FRAS1: variants seen among roughly 807,000 people sequenced by gnomAD.
FRAS1 encodes Fraser extracellular matrix complex subunit 1.
A neutral mutation model predicts 435.2 loss-of-function variants in FRAS1; 290 were observed. The observed-to-expected ratio is 0.67, with a 90% CI of 0.61 to 0.73. The LOEUF (loss-of-function observed/expected upper bound fraction) is 0.73. FRAS1 is among the 30% of genes least tolerant of loss of function. The pLI is 0.00. For missense variants in FRAS1, 4,860 were observed against 5,001.5 expected (o/e 0.97, Z 0.85); for synonymous variants, 1,800 against 1,851.0 (o/e 0.97, Z 0.71).
At chr4:78,079,653 C>T (rs1740808655) in intron 2 of FRAS1, among the ~76,000 whole-genome samples, 1 of 152,076 alleles carries the variant, frequency 6.6e-6, no homozygotes, top group Non-Finnish European at 1.5e-5. Context: ...GGTTGGCAGC[C>T]TCCTTGTGAT....
rs1560729880 is a variant in FRAS1, at chr4:78,441,199, A to G, written c.5567A>G (p.His1856Arg). The change falls in exon 41 of 74, where the codon CAT (histidine) becomes CGT (arginine). Residue 1856 changes from histidine to arginine, a missense_variant. Transcript: ENST00000512123. ...GGGAGAGCACCACTCTCATTTCACCATTTTTTTGCTACTGATGATGATGAC... is the reference window on the plus strand; with the variant it reads ...GGGAGAGCACCACTCTCATTTCACCGTTTTTTTGCTACTGATGATGATGAC... ...EGGRAPLSFHHFFATDDDDNL... is the reference protein window; with the variant it reads ...EGGRAPLSFHRFFATDDDDNL... 1 of 1,613,716 alleles carries G rather than the reference A, an allele frequency of 6.2e-7. No homozygotes were observed. Among genetic ancestry groups the G allele is most frequent in the East Asian group, 2.2e-5 (1 of 44,858 alleles).
At chr4:78,092,107 C>T (rs1474695770) in intron 2 of FRAS1, among the ~76,000 whole-genome samples, 1 of 151,858 alleles carries the variant, frequency 6.6e-6, no homozygotes, top group Non-Finnish European at 1.5e-5. Context: ...TTCATATTCC[C>T]TCAGTGTTTT....
At chr4:78,171,451 T>A (rs963227674) in intron 2 of FRAS1, among the ~76,000 whole-genome samples, 1 of 152,168 alleles carries the variant, frequency 6.6e-6, no homozygotes, top group Admixed American at 6.5e-5. Context: ...TACATAAATA[T>A]CATATACTAT....
chr4:78,428,980 ATATT>A, intron 35 of FRAS1, 111 bp from the exon 36 acceptor site: 1 of 1,065,552 alleles, frequency 9.4e-7, no homozygotes, highest in Non-Finnish European at 1.3e-6. Flanking sequence ...TTCTAGCTAC[ATATT>A]TGTGGAAACT....
intron 2 of FRAS1, among the ~76,000 whole-genome samples, chr4:78,163,981 C>G (rs1560558314): frequency 6.6e-6 from 1 of 152,154 alleles, no homozygotes; most frequent in Admixed American, 6.5e-5. Context: ...ACTGCCCCAC[C>G]CACTGGCCCT....
chr4:78,446,369 C>A, intron 42 of FRAS1: 1 of 1,071,372 alleles, frequency 9.3e-7, no homozygotes, highest in Non-Finnish European at 1.1e-6. Context: ...TTAGCATTTT[C>A]TAAGAGAGTT....
chr4:78,419,498 T>C (rs1281969858), intron 33 of FRAS1, among the ~76,000 whole-genome samples: 5 of 152,140 alleles, frequency 3.3e-5, no homozygotes, highest in South Asian at 2.1e-4. Flanking sequence ...GCCACACATA[T>C]TCAGTTCCTT....
At chr4:78,093,560 G>T (rs538646952) in intron 2 of FRAS1, among the ~76,000 whole-genome samples, 26 of 152,212 alleles carry the variant, frequency 1.7e-4, no homozygotes, top group African/African-American at 6.0e-4. Context: ...TTTATCTGAA[G>T]AAAAATAACA....
chr4:78,147,146 C>T (rs561774637), intron 2 of FRAS1, among the ~76,000 whole-genome samples: 2 of 152,216 alleles, frequency 1.3e-5, no homozygotes, highest in East Asian at 3.9e-4. Flanking sequence ...TTCCCAGAGT[C>T]TGGAATCTTT....
intron 14 of FRAS1, among the ~76,000 whole-genome samples, chr4:78,306,506 G>T (rs1312915155): frequency 1.3e-5 from 1 of 74,298 alleles, no homozygotes; most frequent in African/African-American, 6.1e-5. Context: ...ACACCAATCA[G>T]ACGTAGATTT....
At chr4:78,481,564 C>T (rs1048642961) in intron 56 of FRAS1, among the ~76,000 whole-genome samples, 1 of 152,190 alleles carries the variant, frequency 6.6e-6, no homozygotes, top group African/African-American at 2.4e-5. Flanking sequence ...TCTCCAGCAC[C>T]ATCTCCATGA....
chr4:78,345,948 G>C (rs925531285), intron 20 of FRAS1, among the ~76,000 whole-genome samples: 44 of 152,040 alleles, frequency 2.9e-4, no homozygotes, highest in Admixed American at 8.5e-4. Context: ...AATGAGAGAA[G>C]GACCTTACTT....
intron 49 of FRAS1, among the ~76,000 whole-genome samples, chr4:78,464,963 C>G (rs1180684106): frequency 6.6e-6 from 1 of 152,198 alleles, no homozygotes; most frequent in East Asian, 1.9e-4. Context: ...TTCTCCCTTT[C>G]ACCTCCTTCA....
intron 1 of FRAS1, among the ~76,000 whole-genome samples, chr4:78,062,475 A>G (rs1291752462): frequency 6.6e-6 from 1 of 152,270 alleles, no homozygotes; most frequent in South Asian, 2.1e-4. Context: ...TTGTGGTACC[A>G]TGCTCTCCAA....
intron 59 of FRAS1, 139 bp downstream of exon 59, chr4:78,489,219 G>A: frequency 1.4e-6 from 1 of 704,374 alleles, no homozygotes; most frequent in South Asian, 2.3e-5. Context: ...CAGGGGATAG[G>A]GGTGCCAACT....
intron 14 of FRAS1, among the ~76,000 whole-genome samples, chr4:78,296,034 C>G (rs1280869021): frequency 6.6e-6 from 1 of 151,884 alleles, no homozygotes; most frequent in African/African-American, 2.4e-5. Flanking sequence ...ATTACAGGCA[C>G]AAGCCACCAA....
chr4:78,147,265 A>G (rs1219106158), intron 2 of FRAS1, among the ~76,000 whole-genome samples: 3 of 152,168 alleles, frequency 2.0e-5, no homozygotes, highest in African/African-American at 7.2e-5. Flanking sequence ...TCCCACTTCA[A>G]AGAAAGAAAG....
At chr4:78,474,627 C>A (rs561462466) in intron 53 of FRAS1, among the ~76,000 whole-genome samples, 2 of 152,308 alleles carry the variant, frequency 1.3e-5, no homozygotes, top group African/African-American at 4.8e-5. Context: ...AACCCTCTAA[C>A]ATTTAATGGA....
At chr4:78,304,559 T>C (rs1431232318) in intron 14 of FRAS1, among the ~76,000 whole-genome samples, 5 of 151,970 alleles carry the variant, frequency 3.3e-5, no homozygotes, top group African/African-American at 4.8e-5. Context: ...TATTGGTCTA[T>C]TCAGAGATTC....
Sources: allele counts gnomAD v4.1 joint callset (sites outside exome capture counted in the v4.1 genomes callset), GRCh38; gene constraint gnomAD v4.1.1; transcripts MANE v1.5; gene names NCBI Gene and HGNC (gene_info 2026-07-23, HGNC 2026-07-21).